MMRN1: variants seen among roughly 807,000 people sequenced by gnomAD.
The protein encoded by MMRN1 is multimerin-1.
A neutral mutation model predicts 100.7 loss-of-function variants in MMRN1; 94 were observed. The observed-to-expected ratio is 0.93, with a 90% CI of 0.79 to 1.11. The LOEUF (loss-of-function observed/expected upper bound fraction) is 1.11, where lower values mean the gene tolerates loss of function less well. Ranked by LOEUF, MMRN1 falls within the 50% of genes least tolerant of loss-of-function variation. MMRN1 has a pLI of 0.00. For synonymous variants in MMRN1, 575 were observed against 505.0 expected, an observed-to-expected ratio of 1.14 and a Z score of -1.86; for missense variants, 1,606 against 1,439.1, an observed-to-expected ratio of 1.12 and a Z score of -1.88.
intron 5 of MMRN1, 144 bp downstream of exon 5, chr4:89,928,112 A>G (rs1328209023): frequency 1.7e-6 from 1 of 575,080 alleles, no homozygotes; most frequent in African/African-American, 1.9e-5. Context: ...TGAGATATAA[A>G]TTCACTAAAA....
chr4:89,907,661 C>T (rs1721610690), intron 1 of MMRN1, among the ~76,000 whole-genome samples: 2 of 150,888 alleles, frequency 1.3e-5, no homozygotes, highest in African/African-American at 2.4e-5. Context: ...GTTTCTATTC[C>T]TTATCTTCGA....
rs1721810211 is a variant in MMRN1, at chr4:89,913,209, A to G, written c.850+1159A>G. ...TGTCTAGAATTGGTGAATTGTTAAA[A>G]GTTCTGGATAATATTTAGAATTCTG... On this transcript the variant is annotated intron_variant, in intron 3 of 7. Transcript: ENST00000264790. Among the ~76,000 whole-genome samples, 7 of 151,390 alleles carry G rather than the reference A, an allele frequency of 4.6e-5. No homozygotes were observed. The South Asian group carries it at 1.5e-3, about 31-fold the overall frequency.
In MMRN1 at chr4:89,935,163, G is replaced by A; in HGVS notation, c.1483G>A (p.Glu495Lys). The change falls in exon 6 of 8, where the codon GAA becomes AAA. Residue 495 changes from glutamate to lysine, a missense_variant. By Grantham distance (56) the Glu-to-Lys change is moderately conservative. Transcript: ENST00000264790. ...TCATTTAGAAGGTGCTCTAGAACAG[G>A]AACACTCAAGAAGCATTCTGTATTA... ...QTHLEGALEQ[E>K]HSRSILYYES... 6.2e-7 allele frequency: 1 copy of A among 1,613,232 alleles called. No homozygotes were observed. Among genetic ancestry groups the A allele is most frequent in the Non-Finnish European group, 8.5e-7 (1 of 1,179,624 alleles).
chr4:89,921,412 C>T (rs1722084836), intron 3 of MMRN1, among the ~76,000 whole-genome samples: 2 of 152,094 alleles, frequency 1.3e-5, no homozygotes, highest in African/African-American at 2.4e-5. Context: ...TAGTTATACT[C>T]TTGGATGGAT....
Position 89,889,404 on chromosome 4 carries a change from G to A in MMRN1, c.-248-5320G>A, listed in dbSNP as rs376713363. Among the ~76,000 whole-genome samples the A allele has an allele frequency of 5.3e-5, 8 of 152,190 alleles. No homozygotes were observed. In the East Asian group the frequency reaches 1.5e-3, roughly 29 times the overall value. On this transcript the variant is annotated intron_variant, in intron 1 of 8. Transcript: ENST00000394980. ...AAGTTTCCTTCCCCACTCTGCTCTT[G>A]TGGATAAGGTCCCCAGCCCAGTATC...
chr4:89,936,245 C>A lies in MMRN1; in HGVS notation c.2565C>A (p.Ser855=). ...AACTACTCTTAACTACCAAGATTTC[C>A]AAAAATTTTGAGACTCGGTTGCAAG... is the stretch of plus-strand genomic sequence containing the variant. ...EEKLLLTTKI[S]KNFETRLQDI... Residue 855 remains serine (S), a synonymous_variant, in exon 6 of 8, where the codon TCC becomes TCA. Coordinates refer to ENST00000264790, the MANE Select transcript of MMRN1 (RefSeq NM_007351.3). 6.2e-7 allele frequency: 1 copy of A among 1,603,164 alleles called. No homozygotes were observed. The highest frequency in any genetic ancestry group is 8.5e-7 in the Non-Finnish European group (1 of 1,177,116).
At chr4:89,937,689 G>A (rs954538476) in intron 6 of MMRN1, among the ~76,000 whole-genome samples, 1 of 151,974 alleles carries the variant, frequency 6.6e-6, no homozygotes, top group African/African-American at 2.4e-5. Flanking sequence ...GAGATATGCC[G>A]AAGACTGCTT....
chr4:89,952,314 A>G (rs1026766107), intron 7 of MMRN1, among the ~76,000 whole-genome samples: 1 of 152,180 alleles, frequency 6.6e-6, no homozygotes, highest in Non-Finnish European at 1.5e-5. Flanking sequence ...TTACTTCAGG[A>G]GTGCACCATT....
At chr4:89,945,155 T>G (rs1434577229) in intron 6 of MMRN1, among the ~76,000 whole-genome samples, 1 of 152,180 alleles carries the variant, frequency 6.6e-6, no homozygotes, top group Non-Finnish European at 1.5e-5. Context: ...ATGTAACATA[T>G]CTGAGATTCA....
At position 89,953,549 on chromosome 4, in the gene MMRN1, T is replaced by A; in HGVS notation, c.*131T>A. Reference sequence around the variant, plus strand: ...AATCAACTTGTTTTTTTAATATGAGTAAACTTGTATGTCTATTTTATAAAA... The same window carrying A: ...AATCAACTTGTTTTTTTAATATGAGAAAACTTGTATGTCTATTTTATAAAA... On this transcript the variant is annotated 3_prime_UTR_variant, in exon 8 of 8. Coordinates refer to ENST00000264790, the MANE Select transcript of MMRN1 (RefSeq NM_007351.3). 1 of 648,058 alleles carries A rather than the reference T, an allele frequency of 1.5e-6. No homozygotes were observed. Among genetic ancestry groups the A allele is most frequent in the Non-Finnish European group, 2.4e-6 (1 of 408,382 alleles). 40.1% of individuals were successfully genotyped at this position (648,058 alleles called of 1,614,324 possible).
rs750705024 is a variant in MMRN1, at chr4:89,935,533, A to C, written c.1853A>C (p.Asn618Thr). 1 of 1,613,216 alleles carries C rather than the reference A, an allele frequency of 6.2e-7. No individual in the cohort carries two copies. The highest frequency in any genetic ancestry group is 8.5e-7 in the Non-Finnish European group (1 of 1,179,678). The change falls in exon 6 of 8, where the codon AAT becomes ACT. Residue 618 changes from asparagine (N) to threonine (T), a missense_variant. Coordinates refer to ENST00000264790, the MANE Select transcript of MMRN1 (RefSeq NM_007351.3). ...ACAGAAGAGAATTTACATGTGTTAA[A>C]TCAAACATTGGCTGAAGTTCTCTTT... The part of the protein sequence containing the change: ...KDTEENLHVL[N>T]QTLAEVLFPM...
intron 6 of MMRN1, among the ~76,000 whole-genome samples, chr4:89,942,855 T>A (rs1222083911): frequency 6.6e-6 from 1 of 152,224 alleles, no homozygotes; most frequent in African/African-American, 2.4e-5. Context: ...CTTATTTTTT[T>A]ACTTTTTACA....
At chr4:89,907,822 TTTTTTTG>T (rs1197727132) in intron 1 of MMRN1, among the ~76,000 whole-genome samples, 7 of 131,742 alleles carry the variant, frequency 5.3e-5, no homozygotes, top group African/African-American at 1.9e-4. Context: ...GTCATGCCTG[TTTTTTTG>T]TTTTTTTTTT....
chr4:89,904,236 CA>C (rs1721485792), intron 1 of MMRN1, among the ~76,000 whole-genome samples: 1 of 151,660 alleles, frequency 6.6e-6, no homozygotes, highest in Non-Finnish European at 1.5e-5. Flanking sequence ...CTTTGTGTGG[CA>C]TTTTTTTCAG....
intron 7 of MMRN1, among the ~76,000 whole-genome samples, chr4:89,952,128 T>C (rs1385077532): frequency 6.6e-6 from 1 of 152,182 alleles, no homozygotes; most frequent in Non-Finnish European, 1.5e-5. Flanking sequence ...GATTTATGTC[T>C]GGTATGGTCA....
At chr4:89,926,565 C>T (rs1393351291) in intron 4 of MMRN1, among the ~76,000 whole-genome samples, 3 of 152,032 alleles carry the variant, frequency 2.0e-5, no homozygotes. Flanking sequence ...AGATTTTTCT[C>T]TCATTCTGTG....
intron 1 of MMRN1, among the ~76,000 whole-genome samples, chr4:89,884,973 G>GA (rs1337991980): frequency 6.6e-6 from 1 of 152,002 alleles, no homozygotes; most frequent in African/African-American, 2.4e-5. Context: ...AGCATTCAAA[G>GA]TTTCATAATT....
In MMRN1 at chr4:89,951,680, G is replaced by A. The variant is rs769576144; in HGVS notation, c.3194G>A (p.Cys1065Tyr). Residue 1065 changes from cysteine (C) to tyrosine (Y), a missense_variant, in exon 7 of 8, where the codon TGT becomes TAT. Coordinates refer to ENST00000264790, the MANE Select transcript of MMRN1 (RefSeq NM_007351.3). ...ATAAATGGAAGAACTAGCTTTACCT[G>A]TGCCTGCAGACATCCTTTTACTGGT... ...TCINGRTSFT[C>Y]ACRHPFTGDN... 3 of 1,600,894 alleles carry A rather than the reference G, an allele frequency of 1.9e-6. No homozygotes were observed. The highest frequency in any genetic ancestry group is 2.6e-6 in the Non-Finnish European group (3 of 1,175,676).
In MMRN1 at chr4:89,909,263, T is replaced by C. The variant is rs1403638983; in HGVS notation, c.624-13T>C. 6.4e-6 allele frequency: 10 copies of C among 1,572,382 alleles called. No homozygotes were observed. In the Middle Eastern group the frequency reaches 6.8e-4, roughly 107 times the overall value. Reference sequence around the variant, plus strand: ...ACAACAGTTTTTTCCCTAACAATTATGATCTTCTTTAGGAATTGGTGTGCT... The same window carrying C: ...ACAACAGTTTTTTCCCTAACAATTACGATCTTCTTTAGGAATTGGTGTGCT... On this transcript the variant is annotated splice_polypyrimidine_tract_variant and intron_variant, in intron 1 of 7. Coordinates refer to ENST00000264790, the MANE Select transcript of MMRN1 (RefSeq NM_007351.3).
Sources: allele counts gnomAD v4.1 joint callset (sites outside exome capture counted in the v4.1 genomes callset), GRCh38; gene constraint gnomAD v4.1.1; transcripts MANE v1.5; gene names NCBI Gene and HGNC (gene_info 2026-07-23, HGNC 2026-07-21).